ARHGEF18: variants seen among roughly 807,000 people sequenced by gnomAD.
ARHGEF18 encodes Rho/Rac guanine nucleotide exchange factor 18, also known as rho guanine nucleotide exchange factor 18.
Under a neutral mutation model 155.7 loss-of-function variants are expected in ARHGEF18, and 93 were observed. The ratio of observed to expected loss-of-function variants is 0.60; its 90% confidence interval spans 0.50 to 0.71. The LOEUF is 0.71. Among genes scored for constraint, ARHGEF18 ranks in the 30% least tolerant of loss-of-function variants. The pLI is 0.00. For synonymous variants in ARHGEF18, 742 were observed against 753.1 expected, an observed-to-expected ratio of 0.99 and a Z score of 0.24; for missense variants, 1,593 against 1,816.1, an observed-to-expected ratio of 0.88 and a Z score of 2.23.
intron 10 of ARHGEF18, chr19:7,439,739 C>T: frequency 1.5e-6 from 2 of 1,371,746 alleles, no homozygotes; most frequent in Non-Finnish European, 9.4e-7. Context: ...AACATCTGAT[C>T]TAGATTAATT....
chr19:7,438,710 C>T (rs1423854533), intron 10 of ARHGEF18, among the ~76,000 whole-genome samples: 1 of 151,990 alleles, frequency 6.6e-6, no homozygotes, highest in Non-Finnish European at 1.5e-5. Flanking sequence ...CGTGTCCGGC[C>T]GCCAGATTTC....
chr19:7,352,832 C>CCTTT (rs1969191141), intron 1 of ARHGEF18, among the ~76,000 whole-genome samples: 1 of 49,876 alleles, frequency 2.0e-5, no homozygotes, highest in Non-Finnish European at 3.4e-5. Flanking sequence ...CGTGCCTGGC[C>CCTTT]TTTTTTTTTT....
intron 10 of ARHGEF18, among the ~76,000 whole-genome samples, chr19:7,409,368 C>T (rs946700933): frequency 3.4e-5 from 5 of 146,924 alleles, no homozygotes; most frequent in Admixed American, 1.4e-4. Context: ...CAGTCCCAGT[C>T]CATGCTATGG....
Position 7,444,319 on chromosome 19 carries a change from C to T in ARHGEF18, c.1476C>T (p.Phe492=), listed in dbSNP as rs1974857654. 1 of 1,613,676 alleles carries T rather than the reference C, an allele frequency of 6.2e-7. No homozygotes were observed. Among genetic ancestry groups the T allele is most frequent in the Admixed American group, 1.7e-5 (1 of 60,022 alleles). The change falls in exon 14 of 29, where the codon TTC becomes TTT. Residue 492 remains phenylalanine, a synonymous_variant. Transcript: ENST00000668164. This position sits in a 1 kb window ranked among gnomAD's most constrained non-coding sequence, Gnocchi z 4.7. ...QFSSKAIGRL[F]PCADDLLETH... is the part of the protein sequence containing the mutation. ...GCAGCAAGGCCATTGGCCGCCTCTT[C>T]CCATGCGCTGACGACCTGCTGGAGA... is the stretch of plus-strand genomic sequence containing the variant.
In ARHGEF18 at chr19:7,382,902, G is replaced by A. The variant is rs925802229; in HGVS notation, c.825+8G>A. 27 of 1,232,504 alleles carry A rather than the reference G, an allele frequency of 2.2e-5. No individual in the cohort carries two copies. Among genetic ancestry groups the A allele is most frequent in the Non-Finnish European group, 2.3e-5 (23 of 988,090 alleles). The allele number at this position is 1,232,504 out of a possible 1,614,324, so 76.3% of individuals were successfully genotyped here. ...ACCAGGCAGAAGGAGAAGGTAAGGG[G>A]AGCTAAGCCACGGGGGCCCTCCTCT... On this transcript the variant is annotated splice_region_variant and intron_variant, in intron 9 of 28. Transcript: ENST00000668164.
At chr19:7,370,786 T>C (rs8111637) in intron 2 of ARHGEF18, among the ~76,000 whole-genome samples, 29,985 of 152,062 alleles carry the variant, frequency 0.2, 6,743 homozygotes, top group African/African-American at 0.54. Context: ...CGTGGAGGAA[T>C]CTTGAGGACG....
intron 19 of ARHGEF18, among the ~76,000 whole-genome samples, chr19:7,459,055 A>G (rs1976031775): frequency 6.6e-6 from 1 of 151,422 alleles, no homozygotes; most frequent in South Asian, 2.1e-4. Context: ...TTTATTTTTT[A>G]TTTTTTTGAG....
chr19:7,397,386 C>T (rs554430171), intron 10 of ARHGEF18, among the ~76,000 whole-genome samples: 10 of 152,136 alleles, frequency 6.6e-5, no homozygotes, highest in African/African-American at 2.4e-4. Flanking sequence ...CTGCCACAAA[C>T]TCCCAAGTAG....
chr19:7,465,179 A>G (rs12611424), intron 23 of ARHGEF18, among the ~76,000 whole-genome samples: 37,257 of 152,108 alleles, frequency 0.24, 4,834 homozygotes, highest in African/African-American at 0.32. Context: ...CGCAGGCCTC[A>G]TAGCCAAGCC....
the ARHGEF18 span, among the ~76,000 whole-genome samples, chr19:7,479,033 G>C: frequency 6.6e-6 from 1 of 152,220 alleles, no homozygotes; most frequent in Non-Finnish European, 1.5e-5. Context: ...GTGCCGGGTT[G>C]TGACTGTGAC....
intron 1 of ARHGEF18, among the ~76,000 whole-genome samples, chr19:7,359,006 G>T (rs1330220348): frequency 6.6e-6 from 1 of 152,186 alleles, no homozygotes; most frequent in Admixed American, 6.5e-5. Context: ...GCAATCCAAA[G>T]TCCTATGGCT....
At chr19:7,423,598 G>A (rs747634710) in intron 10 of ARHGEF18, among the ~76,000 whole-genome samples, 9 of 151,868 alleles carry the variant, frequency 5.9e-5, no homozygotes, top group Non-Finnish European at 1.3e-4. Flanking sequence ...CTACTCGGGA[G>A]GCTGAGGCAC....
At position 7,470,661 on chromosome 19, in the gene ARHGEF18, C is replaced by T. The variant is rs1976971299; in HGVS notation, c.*363C>T. On this transcript the variant is annotated 3_prime_UTR_variant, in exon 29 of 29. Coordinates refer to ENST00000668164, the MANE Select transcript of ARHGEF18 (RefSeq NM_001367823.1). The surrounding 1 kb of genome is among the most constrained non-coding windows in gnomAD (Gnocchi z 5.9). ...TTTCCGAGGCAGTGAGGAACGGTGC[C>T]GGCTCTGCACGGAGCTGAGGACAGG... 2.5e-6 allele frequency: 1 copy of T among 398,532 alleles called. No homozygotes were observed. The allele number at this position is 398,532 out of a possible 1,614,324, so 24.7% of individuals were successfully genotyped here. A position where few individuals can be genotyped will look rare whatever the true frequency, so the allele number is the denominator to read the frequency against.
chr19:7,366,403 C>T (rs1969888186), intron 2 of ARHGEF18, among the ~76,000 whole-genome samples: 1 of 152,212 alleles, frequency 6.6e-6, no homozygotes, highest in South Asian at 2.1e-4. Flanking sequence ...CTTAAAGGCG[C>T]CATGAGCTCT....
At chr19:7,391,481 C>T (rs910646224) in intron 10 of ARHGEF18, among the ~76,000 whole-genome samples, 4 of 152,118 alleles carry the variant, frequency 2.6e-5, no homozygotes, top group African/African-American at 7.2e-5. Context: ...ACGCTTCTCT[C>T]CCACTACTCA....
chr19:7,477,296 G>A (rs756116571), downstream of ARHGEF18: 24 of 1,571,958 alleles, frequency 1.5e-5, no homozygotes, highest in South Asian at 8.1e-5. Flanking sequence ...CACTAGCCAC[G>A]GCGGGAAGCG....
chr19:7,451,286 C>CCCCG lies in ARHGEF18; in HGVS notation c.1855+29_1855+32dup. The CCCCG allele has an allele frequency of 6.2e-7, 1 of 1,606,176 alleles. No individual in the cohort carries two copies. Among genetic ancestry groups the CCCCG allele is most frequent in the Non-Finnish European group, 8.5e-7 (1 of 1,174,134 alleles). ...CGGAAGGTAGGCCTTCTCCCCACTG[C>CCCCG]CCCGCCCGCCCGTGCTGCTGCAGCA... On this transcript the variant is annotated intron_variant, in intron 16 of 28. Transcript: ENST00000668164.
intron 10 of ARHGEF18, among the ~76,000 whole-genome samples, chr19:7,433,224 TGGGA>T (rs1974062579): frequency 6.6e-6 from 1 of 151,240 alleles, no homozygotes; most frequent in Non-Finnish European, 1.5e-5. Context: ...CCCAGCACTT[TGGGA>T]GGCCAAGGCG....
rs1042529113 is a variant in ARHGEF18 at position 7,471,321 on chromosome 19, C to G, written c.*1023C>G. On this transcript the variant is annotated 3_prime_UTR_variant, in exon 29 of 29. Coordinates refer to ENST00000668164, the MANE Select transcript of ARHGEF18 (RefSeq NM_001367823.1). The surrounding 1 kb of genome is among the most constrained non-coding windows in gnomAD (Gnocchi z 4.4). ...GTGCGGGCCCCTCGCTTGTAGTGAG[C>G]TGTTGCAGCTTACGGTCCGTTCCCT... 1.3e-5 allele frequency: 2 copies of G among 152,950 alleles called. No individual in the cohort carries two copies. The highest frequency in any genetic ancestry group is 4.8e-5 in the African/African-American group (2 of 41,492). 9.5% of individuals were successfully genotyped at this position (152,950 alleles called of 1,614,324 possible).
Sources: gnomAD v4.1 joint callset for allele counts (sites outside exome capture counted in the v4.1 genomes callset) on GRCh38, gnomAD v4.1.1 for gene constraint, Gnocchi (gnomAD v3.1) non-coding constraint, MANE v1.5 for transcripts, NCBI Gene and HGNC (gene_info 2026-07-23, HGNC 2026-07-21) for gene names.